Variants in MYLK observed in about 807,000 individuals in gnomAD.
MYLK encodes the protein myosin light chain kinase.
A neutral mutation model predicts 203.4 loss-of-function variants in MYLK; 106 were observed. The ratio of observed to expected loss-of-function variants is 0.52; its 90% CI spans 0.45 to 0.61. MYLK has a LOEUF of 0.61. MYLK is among the 20% of genes least tolerant of loss of function. The pLI is 0.00. For synonymous variants in MYLK, 867 were observed against 959.5 expected (o/e 0.90, Z 1.78); for missense variants, 2,072 against 2,442.3 (o/e 0.85, Z 3.20).
intron 8 of MYLK, 100 bp downstream of exon 8, chr3:123,737,278 G>A (rs2108807136): frequency 1.4e-6 from 2 of 1,474,316 alleles, no homozygotes; most frequent in Non-Finnish European, 1.9e-6. Context: ...GAGTGGGCCA[G>A]GTGTATACAC....
chr3:123,663,336 G>T (rs1325717248), intron 23 of MYLK, among the ~76,000 whole-genome samples: 5 of 152,164 alleles, frequency 3.3e-5, no homozygotes, highest in Admixed American at 1.3e-4. Flanking sequence ...AAGGAAAATC[G>T]AGTGGAGTCA....
chr3:123,701,268 C>T (rs1273313985), intron 17 of MYLK, among the ~76,000 whole-genome samples, 170 bp downstream of exon 17: 2 of 150,394 alleles, frequency 1.3e-5, no homozygotes, highest in African/African-American at 4.9e-5. Context: ...TCACCCCCTC[C>T]TTCCCCTGCT....
chr3:123,793,718 G>A lies in MYLK; in HGVS notation c.124C>T (p.Leu42Phe), dbSNP rs756715403. The change falls in exon 4 of 34, where the codon CTC becomes TTC. Residue 42 changes from leucine (L) to phenylalanine (F), a missense_variant. Leu to Phe is a conservative substitution (Grantham distance 22, BLOSUM62 0). Transcript: ENST00000360304. ...APAFILPPRN[L>F]CIKEGATAKF... ...GCGGTGGCTCCTTCTTTGATGCAGAGGTTCCGAGGGGGCAAAATGAAAGCA... is the reference window on the plus strand; with the variant it reads ...GCGGTGGCTCCTTCTTTGATGCAGAAGTTCCGAGGGGGCAAAATGAAAGCA... The A allele has an allele frequency of 5.6e-6, 9 of 1,614,172 alleles. No individual in the cohort carries two copies. The highest frequency in any genetic ancestry group is 7.6e-6 in the Non-Finnish European group (9 of 1,180,024).
chr3:123,864,725 T>C (rs1310715080), intron 2 of MYLK, among the ~76,000 whole-genome samples: 1 of 151,996 alleles, frequency 6.6e-6, no homozygotes, highest in Admixed American at 6.6e-5. Flanking sequence ...GGCAACATAG[T>C]GAGATCCTGT....
chr3:123,631,214 A>G (rs1191320518), intron 29 of MYLK, among the ~76,000 whole-genome samples: 3 of 152,096 alleles, frequency 2.0e-5, no homozygotes, highest in Non-Finnish European at 2.9e-5. Context: ...CCTGGCCAAC[A>G]CGGTGAAGTC....
At chr3:123,751,586 A>G (rs1261623301) in intron 5 of MYLK, among the ~76,000 whole-genome samples, 1 of 152,220 alleles carries the variant, frequency 6.6e-6, no homozygotes, top group East Asian at 1.9e-4. Flanking sequence ...AACATTGTTC[A>G]TTCATTCCTC....
At chr3:123,817,963 T>A (rs1294184136) in intron 3 of MYLK, among the ~76,000 whole-genome samples, 1 of 152,028 alleles carries the variant, frequency 6.6e-6, no homozygotes, top group Non-Finnish European at 1.5e-5. Context: ...TTAGGAAAGG[T>A]CTAGAGAACC....
At chr3:123,637,401 C>T (rs998658531) in intron 29 of MYLK, among the ~76,000 whole-genome samples, 5 of 152,166 alleles carry the variant, frequency 3.3e-5, no homozygotes, top group South Asian at 2.1e-4. Context: ...TGTAAGGAGC[C>T]GCCTAGGTGA....
rs1371975254 is a variant in MYLK at position 123,674,300 on chromosome 3, C to T, written c.3653-7113G>A. Among the ~76,000 whole-genome samples the T allele has an allele frequency of 2.6e-5, 4 of 152,274 alleles. No homozygotes were observed. In the East Asian group the frequency reaches 7.7e-4, roughly 29 times the overall value. On this transcript the variant is annotated intron_variant, in intron 20 of 33. Transcript: ENST00000360304. ...ACCTTCCCACCATCAGCATTGTAGT[C>T]CCAACTGCATCACCTCCTAGGCTTC... is the stretch of plus-strand genomic sequence containing the variant.
At chr3:123,737,214 G>T (rs1229842967) in intron 8 of MYLK, 164 bp downstream of exon 8, 3 of 697,150 alleles carry the variant, frequency 4.3e-6, no homozygotes, top group South Asian at 1.8e-5. Context: ...GCAAGACTCT[G>T]TCTGAAGAGA....
intron 28 of MYLK, among the ~76,000 whole-genome samples, chr3:123,639,966 AATC>A (rs956350534): frequency 1.3e-4 from 20 of 152,166 alleles, no homozygotes; most frequent in Non-Finnish European, 1.5e-4. Flanking sequence ...AAAAGGGGAT[AATC>A]ATCATCATAT....
chr3:123,709,576 C>A, intron 14 of MYLK, 180 bp downstream of exon 14: 1 of 763,412 alleles, frequency 1.3e-6, no homozygotes. Context: ...TCCAGAAAAT[C>A]CTACCCAGAG....
chr3:123,784,121 T>C (rs2064408179), intron 4 of MYLK, among the ~76,000 whole-genome samples: 3 of 152,182 alleles, frequency 2.0e-5, no homozygotes, highest in Non-Finnish European at 4.4e-5. Flanking sequence ...GCACTTGTCC[T>C]TAGTGTTGGG....
chr3:123,625,817 A>G (rs1430930191), intron 31 of MYLK, among the ~76,000 whole-genome samples: 3 of 152,138 alleles, frequency 2.0e-5, no homozygotes, highest in Non-Finnish European at 4.4e-5. Context: ...AAAAAAAAAA[A>G]AAAAAGAATT....
chr3:123,665,231 A>G (rs1393644379), intron 22 of MYLK, among the ~76,000 whole-genome samples: 2 of 152,224 alleles, frequency 1.3e-5, no homozygotes, highest in African/African-American at 2.4e-5. Context: ...CCCCATGTAT[A>G]TGGCTGGTGG....
intron 14 of MYLK, 76 bp downstream of exon 14, chr3:123,709,680 G>A: frequency 6.3e-7 from 1 of 1,587,870 alleles, no homozygotes; most frequent in East Asian, 2.2e-5. Flanking sequence ...ATCTGAGCGG[G>A]TCCTCGGAGA....
At chr3:123,617,673 T>C (rs958996543) in intron 33 of MYLK, 7 of 152,254 alleles carry the variant, frequency 4.6e-5, no homozygotes, top group Admixed American at 4.6e-4. Context: ...AATAAACTTC[T>C]GTGCTTTATT....
At chr3:123,793,865 G>T in intron 3 of MYLK, 21 bp from the exon 4 acceptor site, 1 of 1,613,956 alleles carries the variant, frequency 6.2e-7, no homozygotes, top group Non-Finnish European at 8.5e-7. Flanking sequence ...GAAGGAAGAG[G>T]ACAAGGTCAG....
chr3:123,737,765 A>G (rs2062729489), intron 7 of MYLK, among the ~76,000 whole-genome samples: 1 of 152,206 alleles, frequency 6.6e-6, no homozygotes, highest in Admixed American at 6.5e-5. Flanking sequence ...TGCTTAGAGC[A>G]GTTGCCTGAA....
Sources: allele counts gnomAD v4.1 joint callset (sites outside exome capture counted in the v4.1 genomes callset), GRCh38; gene constraint gnomAD v4.1.1; transcripts MANE v1.5; gene names NCBI Gene and HGNC (gene_info 2026-07-23, HGNC 2026-07-21).